Variants in CNTN5 observed in about 807,000 individuals in gnomAD.
The protein encoded by CNTN5 is contactin 5, also known as contactin-5.
In CNTN5, 77 loss-of-function variants were observed where a neutral mutation model predicts 129.1. The ratio of observed to expected loss-of-function variants is 0.60; its 90% CI spans 0.50 to 0.72. CNTN5 has a LOEUF of 0.72. Ranked by LOEUF, CNTN5 falls within the 30% of genes least tolerant of loss-of-function variation. The probability of loss-of-function intolerance (pLI) is 0.00; values close to 1 mark genes in which losing one functional copy is unlikely to be tolerated. For synonymous variants in CNTN5, 509 were observed against 465.6 expected, an observed-to-expected ratio of 1.09 and a Z score of -1.20; for missense variants, 1,478 against 1,328.8, an observed-to-expected ratio of 1.11 and a Z score of -1.75.
intron 9 of CNTN5, among the ~76,000 whole-genome samples, chr11:100,040,638 G>A (rs1056548286): frequency 3.6e-4 from 54 of 152,068 alleles, no homozygotes; most frequent in South Asian, 2.1e-4. Context: ...CTTCCTGGCC[G>A]CTTTGTTTAC....
At chr11:100,257,229 T>A (rs1047487730) in intron 17 of CNTN5, among the ~76,000 whole-genome samples, 1 of 152,046 alleles carries the variant, frequency 6.6e-6, no homozygotes, top group Non-Finnish European at 1.5e-5. Flanking sequence ...CCAGACTGCC[T>A]CTCTAGATTC....
At chr11:99,202,012 C>T (rs1055440865) in intron 1 of CNTN5, among the ~76,000 whole-genome samples, 12 of 152,160 alleles carry the variant, frequency 7.9e-5, no homozygotes, top group Admixed American at 5.9e-4. Context: ...ATATGTCATT[C>T]GTATTTAGAA....
At chr11:99,875,872 G>C (rs1164767238) in intron 6 of CNTN5, among the ~76,000 whole-genome samples, 1 of 152,010 alleles carries the variant, frequency 6.6e-6, no homozygotes, top group East Asian at 1.9e-4. Context: ...TATAAGCACT[G>C]TTATATAAGG....
chr11:99,964,057 G>T (rs189687416), intron 8 of CNTN5, among the ~76,000 whole-genome samples: 1 of 152,074 alleles, frequency 6.6e-6, no homozygotes, highest in East Asian at 1.9e-4. Flanking sequence ...GGAGATTTTG[G>T]GGTGAGACAA....
chr11:99,735,828 A>G (rs953192436), intron 3 of CNTN5, among the ~76,000 whole-genome samples: 4 of 152,180 alleles, frequency 2.6e-5, no homozygotes, highest in African/African-American at 9.7e-5. Context: ...AGTGGATTTC[A>G]GGTATACAAT....
chr11:99,613,268 C>G (rs1950646419), intron 3 of CNTN5, among the ~76,000 whole-genome samples: 1 of 152,116 alleles, frequency 6.6e-6, no homozygotes. Flanking sequence ...TGTTCTCTGC[C>G]ATGGTGAGTT....
chr11:99,709,393 T>G (rs34137818), intron 3 of CNTN5, among the ~76,000 whole-genome samples: 15,582 of 144,864 alleles, frequency 0.11, 890 homozygotes, highest in East Asian at 0.27. Flanking sequence ...TCAGTGGAAC[T>G]TTACATTGAA....
intron 1 of CNTN5, among the ~76,000 whole-genome samples, chr11:99,268,425 T>C (rs1863010352): frequency 6.6e-6 from 1 of 151,642 alleles, no homozygotes; most frequent in Non-Finnish European, 1.5e-5. Context: ...AAGTAATAAT[T>C]ATAATATTAG....
chr11:99,810,195 CTCTA>C (rs1467757773), intron 3 of CNTN5, among the ~76,000 whole-genome samples: 4 of 152,088 alleles, frequency 2.6e-5, no homozygotes, highest in South Asian at 2.1e-4. Flanking sequence ...AATGTTCATG[CTCTA>C]TCTGTGAATA....
intron 7 of CNTN5, among the ~76,000 whole-genome samples, chr11:99,933,934 G>C (rs1395968434): frequency 1.3e-5 from 2 of 152,140 alleles, no homozygotes; most frequent in African/African-American, 4.8e-5. Flanking sequence ...CATATTATAG[G>C]TGCTTACTTC....
At position 100,035,201 on chromosome 11, in the gene CNTN5, A is replaced by G. The variant is rs533454995; in HGVS notation, c.981-26011A>G. Among the ~76,000 whole-genome samples the G allele has an allele frequency of 9.1e-5, 9 of 99,220 alleles. No homozygotes were observed. The East Asian group carries it at 3.2e-3, about 35-fold the overall frequency. 65.1% of individuals were successfully genotyped at this position (99,220 alleles called of 152,430 possible). ...GTGTTCCATTGTTCAATTCCCACCT[A>G]TGAGTGAGAACATGTGTGTTTGGGT... On this transcript the variant is annotated intron_variant, in intron 9 of 24. Transcript: ENST00000524871.
At chr11:100,235,322 G>C (rs1041996200) in intron 16 of CNTN5, among the ~76,000 whole-genome samples, 33 of 152,316 alleles carry the variant, frequency 2.2e-4, no homozygotes, top group African/African-American at 7.2e-4. Context: ...TGTGATGTAG[G>C]AGATCAGTCA....
At chr11:99,271,524 A>G (rs929906171) in intron 1 of CNTN5, among the ~76,000 whole-genome samples, 2 of 151,844 alleles carry the variant, frequency 1.3e-5, no homozygotes, top group Non-Finnish European at 2.9e-5. Context: ...TTACTCCAAA[A>G]TTCATAGCCT....
chr11:99,712,186 T>TG (rs952031220), intron 3 of CNTN5, among the ~76,000 whole-genome samples: 1 of 152,164 alleles, frequency 6.6e-6, no homozygotes, highest in Non-Finnish European at 1.5e-5. Context: ...TGGTGTAAGA[T>TG]GGTATCTCAT....
intron 13 of CNTN5, among the ~76,000 whole-genome samples, chr11:100,096,672 A>G (rs1377298702): frequency 6.6e-6 from 1 of 152,100 alleles, no homozygotes; most frequent in Non-Finnish European, 1.5e-5. Flanking sequence ...CCAGTTCCCA[A>G]GTACACCTAC....
intron 6 of CNTN5, among the ~76,000 whole-genome samples, chr11:99,868,238 A>G (rs1010433699): frequency 6.6e-6 from 1 of 152,058 alleles, no homozygotes; most frequent in Non-Finnish European, 1.5e-5. Context: ...AAAACAAAAA[A>G]TTGTATTCTA....
At chr11:100,315,575 A>C (rs978999945) in intron 21 of CNTN5, among the ~76,000 whole-genome samples, 1 of 152,170 alleles carries the variant, frequency 6.6e-6, no homozygotes, top group Admixed American at 6.5e-5. Flanking sequence ...AAAGGTAACA[A>C]TTAGGCTACA....
chr11:99,776,074 A>G lies in CNTN5; in HGVS notation c.56-43470A>G, dbSNP rs377460784. Among the ~76,000 whole-genome samples the G allele has an allele frequency of 2.2e-4, 33 of 152,020 alleles. No individual in the cohort carries two copies. In the East Asian group the frequency reaches 5.6e-3, roughly 26 times the overall value. ...TATTTCTGCCCTTGAAATGATTTTC[A>G]TTTTCATTAGTCACTTGGTCATTTA... On this transcript the variant is annotated intron_variant, in intron 3 of 24. Coordinates refer to ENST00000524871, the MANE Select transcript of CNTN5 (RefSeq NM_014361.4).
At chr11:99,548,954 A>G (rs1027240029) in intron 2 of CNTN5, among the ~76,000 whole-genome samples, 8 of 152,130 alleles carry the variant, frequency 5.3e-5, no homozygotes, top group African/African-American at 1.9e-4. Flanking sequence ...TTCTCACTCA[A>G]AAAAATCTGA....
Sources: gnomAD v4.1 joint callset for allele counts (sites outside exome capture counted in the v4.1 genomes callset) on GRCh38, gnomAD v4.1.1 for gene constraint, MANE v1.5 for transcripts, NCBI Gene and HGNC (gene_info 2026-07-23, HGNC 2026-07-21) for gene names.